Variants in ATXN1 observed in about 807,000 individuals in gnomAD.
ATXN1 encodes the protein ataxin-1.
A neutral mutation model predicts 56.4 loss-of-function variants in ATXN1; 8 were observed. The observed-to-expected ratio is 0.14, with a 90% CI of 0.08 to 0.26. The LOEUF is 0.26. Ranked by LOEUF, ATXN1 falls within the 10% of genes least tolerant of loss-of-function variation. The pLI, the probability that ATXN1 is intolerant of heterozygous loss-of-function variation, is 1.00. For missense variants in ATXN1, 987 were observed against 1,106.5 expected, an observed-to-expected ratio of 0.89 and a Z score of 1.53; for synonymous variants, 514 against 494.6, an observed-to-expected ratio of 1.04 and a Z score of -0.52.
At chr6:16,454,019 C>G (rs2113616262) in intron 6 of ATXN1, among the ~76,000 whole-genome samples, 1 of 148,334 alleles carries the variant, frequency 6.7e-6, no homozygotes, top group East Asian at 2.1e-4. Flanking sequence ...TGGCACGTGC[C>G]TGTAATTCCA....
At chr6:16,654,957 A>G (rs1018638757) in intron 3 of ATXN1, among the ~76,000 whole-genome samples, 1 of 152,220 alleles carries the variant, frequency 6.6e-6, no homozygotes. Context: ...AACCCCAATA[A>G]TGCATCACTT....
chr6:16,581,023 C>A (rs2113760203), intron 4 of ATXN1, among the ~76,000 whole-genome samples: 1 of 152,070 alleles, frequency 6.6e-6, no homozygotes, highest in East Asian at 1.9e-4. Context: ...TTTTTCATTT[C>A]ATTTTCAACC....
chr6:16,581,221 G>A (rs1762523165), intron 4 of ATXN1, among the ~76,000 whole-genome samples: 1 of 130,892 alleles, frequency 7.6e-6, no homozygotes, highest in Admixed American at 7.6e-5. Context: ...GTGTGTGTGT[G>A]TGTGCGCGCG....
At chr6:16,626,246 G>T (rs1038608906) in intron 3 of ATXN1, among the ~76,000 whole-genome samples, 2 of 152,060 alleles carry the variant, frequency 1.3e-5, no homozygotes, top group Non-Finnish European at 2.9e-5. Context: ...GTAAAGACTT[G>T]GTAACCAATA....
Position 16,306,875 on chromosome 6 carries a change from G to C in ATXN1, c.1918-16C>G. On this transcript the variant is annotated splice_polypyrimidine_tract_variant and intron_variant, in intron 7 of 7. Coordinates refer to ENST00000436367, the MANE Select transcript of ATXN1 (RefSeq NM_001128164.2). The surrounding 1 kb of genome is among the most constrained non-coding windows in gnomAD (Gnocchi z 5.2). Reference sequence around the variant, plus strand: ...CAACGCTGACCTGTGGAAACAGGGAGAGACAGAGAGAGGAAGAAGGAAGGG... The same window carrying C: ...CAACGCTGACCTGTGGAAACAGGGACAGACAGAGAGAGGAAGAAGGAAGGG... 1 of 1,574,864 alleles carries C rather than the reference G, an allele frequency of 6.3e-7. No individual in the cohort carries two copies. The highest frequency in any genetic ancestry group is 8.6e-7 in the Non-Finnish European group (1 of 1,167,112).
intron 6 of ATXN1, among the ~76,000 whole-genome samples, chr6:16,420,342 A>G (rs1158097798): frequency 3.3e-5 from 5 of 152,218 alleles, no homozygotes; most frequent in Non-Finnish European, 5.9e-5. Flanking sequence ...TTCTAAATAA[A>G]CATCAAAATG....
chr6:16,426,780 C>T (rs1759165452), intron 6 of ATXN1, among the ~76,000 whole-genome samples: 1 of 151,962 alleles, frequency 6.6e-6, no homozygotes, highest in South Asian at 2.1e-4. Flanking sequence ...TTCCCTCCCC[C>T]TCTATCCAGC....
At chr6:16,343,716 C>T (rs776111253) in intron 6 of ATXN1, among the ~76,000 whole-genome samples, 2 of 152,148 alleles carry the variant, frequency 1.3e-5, no homozygotes, top group African/African-American at 2.4e-5. Context: ...GAATCAGGGA[C>T]TGGAAAACCT....
chr6:16,453,288 G>A (rs1308405172), intron 6 of ATXN1, among the ~76,000 whole-genome samples: 6 of 151,964 alleles, frequency 3.9e-5, no homozygotes, highest in African/African-American at 1.2e-4. Context: ...GTGAAACCCC[G>A]TCTCTACTAA....
Position 16,722,146 on chromosome 6 carries a change from G to T in ATXN1, c.-615+31087C>A, listed in dbSNP as rs146375265. ...TGCAAACTATGCAGCATTAACTGAT[G>T]TTGAGGAAATGAAAGGAGATAACGA... On this transcript the variant is annotated intron_variant, in intron 2 of 7. Coordinates refer to ENST00000436367, the MANE Select transcript of ATXN1 (RefSeq NM_001128164.2). 1.1e-3 allele frequency among the ~76,000 whole-genome samples: 162 copies of T among 152,330 alleles called. 2 individuals are homozygous for T. Among genetic ancestry groups the T allele is most frequent in the Non-Finnish European group, 2.4e-4 (16 of 68,038 alleles).
At chr6:16,712,518 G>C (rs989932635) in intron 2 of ATXN1, among the ~76,000 whole-genome samples, 1 of 152,236 alleles carries the variant, frequency 6.6e-6, no homozygotes, top group East Asian at 1.9e-4. Context: ...TGAACTGAAC[G>C]CAAGAAGTAG....
Position 16,514,358 on chromosome 6 carries a change from C to T in ATXN1, c.-299+8269G>A, listed in dbSNP as rs545323079. 3.9e-4 allele frequency among the ~76,000 whole-genome samples: 59 copies of T among 152,278 alleles called. No individual in the cohort carries two copies. The South Asian group carries it at 0.012, about 30-fold the overall frequency. On this transcript the variant is annotated intron_variant, in intron 5 of 7. Coordinates refer to ENST00000436367, the MANE Select transcript of ATXN1 (RefSeq NM_001128164.2). Reference sequence around the variant, plus strand: ...CGGCAAGACATTACCCCTCATGTCCCAGAGCCATAGGGAGGCTGCGTCTGA... The same window carrying T: ...CGGCAAGACATTACCCCTCATGTCCTAGAGCCATAGGGAGGCTGCGTCTGA...
intron 6 of ATXN1, among the ~76,000 whole-genome samples, chr6:16,428,164 G>A (rs1215653760): frequency 1.4e-5 from 2 of 146,034 alleles, no homozygotes; most frequent in African/African-American, 5.1e-5. Context: ...TGTCACCCAG[G>A]CTGGAGTGCA....
chr6:16,689,681 A>G (rs1439800581), intron 2 of ATXN1, among the ~76,000 whole-genome samples: 1 of 151,970 alleles, frequency 6.6e-6, no homozygotes, highest in Non-Finnish European at 1.5e-5. Flanking sequence ...GTTTTGATAT[A>G]GCTACATATA....
intron 4 of ATXN1, among the ~76,000 whole-genome samples, chr6:16,527,257 G>C (rs1401106775): frequency 6.6e-6 from 1 of 152,052 alleles, no homozygotes; most frequent in Non-Finnish European, 1.5e-5. Flanking sequence ...TCACTTTTGA[G>C]GGGAGGCTGG....
At chr6:16,531,503 A>T (rs552943170) in intron 4 of ATXN1, among the ~76,000 whole-genome samples, 51 of 152,144 alleles carry the variant, frequency 3.4e-4, no homozygotes, top group African/African-American at 1.2e-3. Flanking sequence ...GACACCTGTA[A>T]TCTCAGCTAC....
intron 2 of ATXN1, among the ~76,000 whole-genome samples, chr6:16,745,004 C>T (rs986695294): frequency 1.3e-5 from 2 of 152,174 alleles, no homozygotes; most frequent in Non-Finnish European, 2.9e-5. Context: ...ATCAAGACTT[C>T]CATTTGCTAA....
chr6:16,739,993 TGGG>T, intron 2 of ATXN1: 1 of 423,386 alleles, frequency 2.4e-6, no homozygotes. Context: ...CCTTGACTCC[TGGG>T]GGAAAAGCTG....
In ATXN1 at chr6:16,636,411, T is replaced by A. The variant is rs111931936; in HGVS notation, c.-489+21365A>T. Among the ~76,000 whole-genome samples the A allele has an allele frequency of 5.9e-3, 897 of 152,312 alleles. 9 individuals are homozygous for A. Among genetic ancestry groups the A allele is most frequent in the African/African-American group, 0.02 (846 of 41,570 alleles). On this transcript the variant is annotated intron_variant, in intron 3 of 7. Coordinates refer to ENST00000436367, the MANE Select transcript of ATXN1 (RefSeq NM_001128164.2). ...CCCCAGCCCCCAGGCAGCCCTTCACTGTGGCTGCTGAGTCATCAGGATGAG... is the reference window on the plus strand; with the variant it reads ...CCCCAGCCCCCAGGCAGCCCTTCACAGTGGCTGCTGAGTCATCAGGATGAG...
Sources: allele counts gnomAD v4.1 joint callset (sites outside exome capture counted in the v4.1 genomes callset), GRCh38; gene constraint gnomAD v4.1.1; non-coding constraint Gnocchi (gnomAD v3.1); transcripts MANE v1.5; gene names NCBI Gene and HGNC (gene_info 2026-07-23, HGNC 2026-07-21).